Variants in CAMK4 observed in about 807,000 individuals in gnomAD.
CAMK4 encodes the protein calcium/calmodulin dependent protein kinase IV.
CAMK4 carries 22 observed loss-of-function variants against 44.9 expected under a neutral mutation model. The ratio of observed to expected loss-of-function variants is 0.49; its 90% CI spans 0.35 to 0.70. The LOEUF (loss-of-function observed/expected upper bound fraction) is 0.70, where lower values mean the gene tolerates loss of function less well. Ranked by LOEUF, CAMK4 falls within the 30% of genes least tolerant of loss-of-function variation. The pLI is 0.01. For synonymous variants in CAMK4, 218 were observed against 215.4 expected, an observed-to-expected ratio of 1.01 and a Z score of -0.11; for missense variants, 498 against 586.8, an observed-to-expected ratio of 0.85 and a Z score of 1.56.
rs569999121 is a variant in CAMK4 at position 111,402,050 on chromosome 5, C to T, written c.459+7268C>T. Among the ~76,000 whole-genome samples, 18 of 152,316 alleles carry T rather than the reference C, an allele frequency of 1.2e-4. 1 individual carries two copies. Among genetic ancestry groups the T allele is most frequent in the Middle Eastern group, 6.8e-3 (2 of 294 alleles). On this transcript the variant is annotated intron_variant, in intron 5 of 10. Transcript: ENST00000282356. ...GATTCAACTGTTGTTCCTGGAACGA[C>T]CTGCCACTGCAGGATGAAAGAGTGC...
At chr5:111,401,039 C>A (rs74847592) in intron 5 of CAMK4, among the ~76,000 whole-genome samples, 4,430 of 152,282 alleles carry the variant, frequency 0.029, 100 homozygotes, top group South Asian at 0.067. Context: ...CTTTTTCTAG[C>A]TACAGTTCTC....
At chr5:111,312,365 C>G (rs1048408883) in intron 1 of CAMK4, among the ~76,000 whole-genome samples, 2 of 152,164 alleles carry the variant, frequency 1.3e-5, no homozygotes, top group Admixed American at 6.6e-5. Context: ...AAGTGCTTCA[C>G]TCTTTTCATC....
intron 1 of CAMK4, among the ~76,000 whole-genome samples, chr5:111,225,755 C>A (rs144445204): frequency 2.6e-5 from 4 of 152,188 alleles, no homozygotes; most frequent in East Asian, 1.9e-4. Context: ...ACTCTCCCCC[C>A]ACTTTGCTAG....
chr5:111,390,670 C>T (rs1490859219), intron 4 of CAMK4, among the ~76,000 whole-genome samples: 1 of 152,120 alleles, frequency 6.6e-6, no homozygotes, highest in African/African-American at 2.4e-5. Flanking sequence ...TGTTTTTTCT[C>T]CTGAAATTAT....
At chr5:111,315,548 T>C (rs1748383810) in intron 1 of CAMK4, among the ~76,000 whole-genome samples, 1 of 152,178 alleles carries the variant, frequency 6.6e-6, no homozygotes, top group Admixed American at 6.6e-5. Flanking sequence ...ACATAAAATA[T>C]CTAATTTAAT....
At chr5:111,352,791 T>C (rs1750169634) in intron 2 of CAMK4, among the ~76,000 whole-genome samples, 1 of 152,038 alleles carries the variant, frequency 6.6e-6, no homozygotes, top group Non-Finnish European at 1.5e-5. Flanking sequence ...TGGTGCACCA[T>C]CATCCAAACA....
intron 8 of CAMK4, among the ~76,000 whole-genome samples, chr5:111,476,268 TGTTTGTG>T (rs1755237580): frequency 5.0e-5 from 7 of 139,322 alleles, no homozygotes; most frequent in Admixed American, 1.4e-4. Flanking sequence ...TGTGTGTGTG[TGTTTGTG>T]TGTGTGTGTG....
chr5:111,267,910 CT>C (rs1428465980), intron 1 of CAMK4, among the ~76,000 whole-genome samples: 1 of 152,102 alleles, frequency 6.6e-6, no homozygotes. Context: ...TTACAGAACT[CT>C]GTATTATTTA....
chr5:111,272,753 G>C (rs1750569777), intron 1 of CAMK4, among the ~76,000 whole-genome samples: 1 of 152,064 alleles, frequency 6.6e-6, no homozygotes, highest in Non-Finnish European at 1.5e-5. Context: ...AGAAAGGAGG[G>C]AGCACCAATA....
chr5:111,313,954 G>A (rs1364177906), intron 1 of CAMK4, among the ~76,000 whole-genome samples: 1 of 151,958 alleles, frequency 6.6e-6, no homozygotes, highest in East Asian at 1.9e-4. Context: ...AATTTGTATG[G>A]GTATATCGAA....
intron 5 of CAMK4, among the ~76,000 whole-genome samples, chr5:111,435,329 C>T (rs1753606693): frequency 6.6e-6 from 1 of 152,078 alleles, no homozygotes; most frequent in Non-Finnish European, 1.5e-5. Context: ...CATCCCAAAA[C>T]TCTTTTCTTT....
At chr5:111,467,871 G>T (rs1181113191) in intron 7 of CAMK4, among the ~76,000 whole-genome samples, 2 of 150,756 alleles carry the variant, frequency 1.3e-5, no homozygotes, top group African/African-American at 4.9e-5. Flanking sequence ...CAGAGGAAAA[G>T]AAGTCATGTG....
At chr5:111,419,746 A>G (rs1277698249) in intron 5 of CAMK4, among the ~76,000 whole-genome samples, 1 of 152,054 alleles carries the variant, frequency 6.6e-6, no homozygotes, top group Non-Finnish European at 1.5e-5. Flanking sequence ...CAAAGATCAG[A>G]TGGTTGTAGA....
At chr5:111,411,123 G>C (rs532224526) in intron 5 of CAMK4, among the ~76,000 whole-genome samples, 1 of 152,126 alleles carries the variant, frequency 6.6e-6, no homozygotes, top group Non-Finnish European at 1.5e-5. Context: ...AAAAGGTAAA[G>C]ATGGATCCTA....
intron 1 of CAMK4, among the ~76,000 whole-genome samples, chr5:111,252,464 G>A (rs1366175): frequency 0.014 from 2,170 of 152,240 alleles, 50 homozygotes; most frequent in African/African-American, 0.05. Context: ...ATTTTCTATA[G>A]ATCCTTTCTC....
chr5:111,318,655 A>G (rs1748534766), intron 1 of CAMK4, among the ~76,000 whole-genome samples: 1 of 152,174 alleles, frequency 6.6e-6, no homozygotes, highest in Non-Finnish European at 1.5e-5. Flanking sequence ...TGTCTCTTAA[A>G]TTGTAATGAA....
intron 1 of CAMK4, among the ~76,000 whole-genome samples, chr5:111,298,166 A>G (rs1351855184): frequency 6.6e-6 from 1 of 152,184 alleles, no homozygotes; most frequent in Non-Finnish European, 1.5e-5. Flanking sequence ...TTTATTTTTA[A>G]AATTTCTTAT....
At chr5:111,379,705 T>C (rs1751344354) in intron 4 of CAMK4, among the ~76,000 whole-genome samples, 1 of 152,124 alleles carries the variant, frequency 6.6e-6, no homozygotes, top group South Asian at 2.1e-4. Flanking sequence ...TAAGAATTCA[T>C]TCCTGGTCTA....
At chr5:111,438,168 G>A (rs1753710167) in intron 5 of CAMK4, among the ~76,000 whole-genome samples, 1 of 152,162 alleles carries the variant, frequency 6.6e-6, no homozygotes, top group African/African-American at 2.4e-5. Flanking sequence ...GAAGAGGGCA[G>A]GGAGGTCGAG....
Sources: gnomAD v4.1 joint callset for allele counts (sites outside exome capture counted in the v4.1 genomes callset) on GRCh38, gnomAD v4.1.1 for gene constraint, MANE v1.5 for transcripts, NCBI Gene and HGNC (gene_info 2026-07-23, HGNC 2026-07-21) for gene names.